Variants in KDM6A observed in about 807,000 individuals in gnomAD.
KDM6A encodes lysine demethylase 6A.
A neutral mutation model predicts 117.6 loss-of-function variants in KDM6A; 11 were observed. That is an observed-to-expected ratio of 0.09 (90% CI 0.06 to 0.15). The LOEUF (loss-of-function observed/expected upper bound fraction) is 0.15. Among genes scored for constraint, KDM6A ranks in the 10% least tolerant of loss-of-function variants. The pLI is 1.00. For missense variants in KDM6A, 799 were observed against 1,077.3 expected (o/e 0.74, Z 3.62); for synonymous variants, 384 against 396.1 (o/e 0.97, Z 0.36).
At chrX:44,908,233 G>A (rs1460192577) in intron 2 of KDM6A, among the ~76,000 whole-genome samples, 1 of 111,176 alleles carries the variant, frequency 9.0e-6, no homozygotes, top group Non-Finnish European at 1.9e-5. Flanking sequence ...CATAATTTAT[G>A]GACCTGCTTT....
chrX:44,955,647 A>G (rs1331042699), intron 2 of KDM6A, among the ~76,000 whole-genome samples: 1 of 111,407 alleles, frequency 9.0e-6, no homozygotes, highest in East Asian at 2.8e-4. Context: ...TATTTCAGTG[A>G]TTTTAATAAA....
chrX:45,082,926 TTTTTGCTACATTTTACAATTAAAA>T (rs1218698377), intron 23 of KDM6A, 137 bp downstream of exon 23: 3 of 484,207 alleles, frequency 6.2e-6, no homozygotes, highest in Non-Finnish European at 1.0e-5. Context: ...AGCTAAACTT[TTTTTGCTACATTTTACAATTAAAA>T]TTTTAAAATT....
At chrX:44,925,171 C>CA (rs1300216106) in intron 2 of KDM6A, among the ~76,000 whole-genome samples, 1 of 110,001 alleles carries the variant, frequency 9.1e-6, no homozygotes, top group Non-Finnish European at 1.9e-5. Flanking sequence ...GTAGAATCTC[C>CA]AGAGTCCTCT....
At chrX:45,056,453 T>C (rs968571768) in intron 10 of KDM6A, among the ~76,000 whole-genome samples, 4 of 112,092 alleles carry the variant, frequency 3.6e-5, no homozygotes, top group African/African-American at 1.3e-4. Context: ...TTGGCACTTG[T>C]ATTTCAAAGT....
chrX:44,880,517 G>A (rs916499625), intron 2 of KDM6A, among the ~76,000 whole-genome samples: 1 of 108,365 alleles, frequency 9.2e-6, no homozygotes, highest in Non-Finnish European at 1.9e-5. Flanking sequence ...AAGGCCAGGC[G>A]TGGTGGCTCG....
At chrX:44,880,189 A>AAT (rs1555961021) in intron 2 of KDM6A, among the ~76,000 whole-genome samples, 1 of 109,397 alleles carries the variant, frequency 9.1e-6, no homozygotes, top group East Asian at 2.8e-4. Flanking sequence ...AAAAAAAAAA[A>AAT]ATCACATTTT....
intron 2 of KDM6A, among the ~76,000 whole-genome samples, chrX:44,880,172 C>CAAA (rs59578181): frequency 5.0e-4 from 29 of 57,738 alleles, no homozygotes; most frequent in African/African-American, 1.5e-3. Context: ...GACTTCATCT[C>CAAA]AAAAAAAAAA....
chrX:44,936,308 AC>A (rs2146998424), intron 2 of KDM6A, among the ~76,000 whole-genome samples: 1 of 110,517 alleles, frequency 9.0e-6, no homozygotes, highest in East Asian at 2.9e-4. Context: ...CCATCTTTTT[AC>A]CAGATAAGGT....
intron 24 of KDM6A, among the ~76,000 whole-genome samples, chrX:45,084,809 A>G (rs996786712): frequency 1.8e-5 from 2 of 111,341 alleles, no homozygotes; most frequent in African/African-American, 6.5e-5. Context: ...TGAGGTTCAC[A>G]TAATGACTTC....
At chrX:45,043,971 A>C (rs1388049464) in intron 8 of KDM6A, among the ~76,000 whole-genome samples, 1 of 111,835 alleles carries the variant, frequency 8.9e-6, no homozygotes, top group African/African-American at 3.3e-5. Context: ...TTTTTGTTTT[A>C]ACTGAACCTT....
At chrX:45,032,559 G>GT (rs1434261224) in intron 6 of KDM6A, among the ~76,000 whole-genome samples, 4 of 111,031 alleles carry the variant, frequency 3.6e-5, no homozygotes, top group South Asian at 3.7e-4. Flanking sequence ...TTTTGTTTTT[G>GT]TTTTTTGAAA....
rs1376316194 is a variant in KDM6A, at chrX:45,069,561, A to G, written c.2080-18A>G. 7 of 1,199,942 alleles carry G rather than the reference A, an allele frequency of 5.8e-6. No individual in the cohort carries two copies. Among genetic ancestry groups the G allele is most frequent in the Middle Eastern group, 2.3e-4 (1 of 4,327 alleles). On this transcript the variant is annotated intron_variant, in intron 17 of 29. Coordinates refer to ENST00000611820, the MANE Select transcript of KDM6A (RefSeq NM_001291415.2). ...GTTTGCTTAATATTAGATTTAAACT[A>G]TTTTTCTTTCTTTTTAGGGGCTTCA...
At chrX:45,069,471 TATAC>T in intron 17 of KDM6A, 104 bp from the exon 18 acceptor site, 1 of 750,948 alleles carries the variant, frequency 1.3e-6, no homozygotes, top group Non-Finnish European at 1.9e-6. Flanking sequence ...CAAATTATCT[TATAC>T]AGTTAGATAT....
At chrX:44,972,781 A>G (rs1289854305) in intron 3 of KDM6A, among the ~76,000 whole-genome samples, 2 of 111,602 alleles carry the variant, frequency 1.8e-5, no homozygotes, top group Non-Finnish European at 3.8e-5. Context: ...CACACCTGTA[A>G]TCCCACACTT....
At chrX:44,944,039 T>C (rs967394862) in intron 2 of KDM6A, among the ~76,000 whole-genome samples, 1 of 111,460 alleles carries the variant, frequency 9.0e-6, no homozygotes, top group Non-Finnish European at 1.9e-5. Flanking sequence ...TTTCTGTAGC[T>C]TTATAATAGG....
intron 8 of KDM6A, among the ~76,000 whole-genome samples, chrX:45,045,820 A>T (rs1022584025): frequency 1.8e-5 from 2 of 110,872 alleles, no homozygotes; most frequent in Admixed American, 9.6e-5. Flanking sequence ...GTGCTGCTTG[A>T]CCATGGATGT....
intron 4 of KDM6A, among the ~76,000 whole-genome samples, chrX:45,003,998 TC>T (rs2041302990): frequency 9.3e-6 from 1 of 107,163 alleles, no homozygotes; most frequent in Non-Finnish European, 1.9e-5. Context: ...CCCCTCTCTT[TC>T]CCCTTTTACC....
At chrX:45,023,305 G>A (rs1024186397) in intron 6 of KDM6A, among the ~76,000 whole-genome samples, 1 of 111,507 alleles carries the variant, frequency 9.0e-6, no homozygotes, top group South Asian at 3.8e-4. Context: ...ATACTTTTTG[G>A]ATGGTAAACT....
intron 4 of KDM6A, among the ~76,000 whole-genome samples, chrX:44,987,921 G>A (rs1450630713): frequency 3.4e-4 from 38 of 110,606 alleles, no homozygotes; most frequent in African/African-American, 1.2e-3. Flanking sequence ...TCTTTGTGGT[G>A]TTCTCTGTAT....
Sources: gnomAD v4.1 joint callset for allele counts (sites outside exome capture counted in the v4.1 genomes callset) on GRCh38, gnomAD v4.1.1 for gene constraint, MANE v1.5 for transcripts, NCBI Gene and HGNC (gene_info 2026-07-23, HGNC 2026-07-21) for gene names.